RTTN: variants seen among roughly 807,000 people sequenced by gnomAD.
The protein encoded by RTTN is rotatin.
Under a neutral mutation model 269.2 loss-of-function variants are expected in RTTN, and 182 were observed. The observed-to-expected ratio is 0.68, with a 90% CI of 0.60 to 0.76. RTTN has a LOEUF of 0.76. Among genes scored for constraint, RTTN ranks in the 30% least tolerant of loss-of-function variants. RTTN has a pLI of 0.00. For missense variants in RTTN, 2,545 were observed against 2,608.6 expected, an observed-to-expected ratio of 0.98 and a Z score of 0.53; for synonymous variants, 1,006 against 963.5, an observed-to-expected ratio of 1.04 and a Z score of -0.82.
At chr18:70,125,656 A>T (rs1028928335) in intron 25 of RTTN, among the ~76,000 whole-genome samples, 22 of 152,070 alleles carry the variant, frequency 1.4e-4, no homozygotes, top group African/African-American at 5.3e-4. Context: ...TAAAAATATT[A>T]AACTAAGCTT....
At chr18:70,119,230 G>C (rs1401532387) in intron 26 of RTTN, among the ~76,000 whole-genome samples, 2 of 151,714 alleles carry the variant, frequency 1.3e-5, no homozygotes, top group Non-Finnish European at 2.9e-5. Context: ...ATTCAATAAA[G>C]TTGCAGGATA....
intron 40 of RTTN, among the ~76,000 whole-genome samples, chr18:70,032,063 C>T (rs542833506): frequency 5.9e-5 from 9 of 152,318 alleles, no homozygotes; most frequent in East Asian, 1.9e-4. Context: ...CCAGCTGGGG[C>T]AGAGCCCAGA....
chr18:70,066,519 C>T (rs578027877), intron 34 of RTTN, among the ~76,000 whole-genome samples: 1 of 152,244 alleles, frequency 6.6e-6, no homozygotes, highest in South Asian at 2.1e-4. Flanking sequence ...CCTTCTAAGA[C>T]TGAAAAAGCG....
intron 10 of RTTN, among the ~76,000 whole-genome samples, chr18:70,183,234 T>A (rs1278878311): frequency 6.6e-6 from 1 of 152,224 alleles, no homozygotes; most frequent in African/African-American, 2.4e-5. Context: ...ACAGTCTCGA[T>A]GACTTTAGGA....
chr18:70,042,307 A>C (rs1205974079), intron 40 of RTTN, among the ~76,000 whole-genome samples: 3 of 151,940 alleles, frequency 2.0e-5, no homozygotes, highest in Non-Finnish European at 2.9e-5. Flanking sequence ...AGAAAAAATA[A>C]AGATTCTAAA....
At chr18:70,156,666 G>A (rs1331968573) in intron 14 of RTTN, among the ~76,000 whole-genome samples, 1 of 152,094 alleles carries the variant, frequency 6.6e-6, no homozygotes, top group Non-Finnish European at 1.5e-5. Flanking sequence ...GACATGTGAT[G>A]TCTCCCCCGG....
At chr18:70,036,495 A>C (rs1468086924) in intron 40 of RTTN, among the ~76,000 whole-genome samples, 2 of 152,322 alleles carry the variant, frequency 1.3e-5, no homozygotes, top group South Asian at 2.1e-4. Flanking sequence ...CTAAATGATG[A>C]GAGCACCGGG....
chr18:70,132,278 C>CAGTA (rs914959362), intron 23 of RTTN, among the ~76,000 whole-genome samples: 3 of 152,130 alleles, frequency 2.0e-5, no homozygotes, highest in Admixed American at 1.3e-4. Context: ...AAGATCTGAA[C>CAGTA]ACTATCAATA....
intron 46 of RTTN, among the ~76,000 whole-genome samples, chr18:70,015,453 G>A (rs1279179825): frequency 2.0e-5 from 3 of 152,154 alleles, no homozygotes; most frequent in Non-Finnish European, 4.4e-5. Context: ...CCGATCAGAG[G>A]CAGCCTTTCC....
chr18:70,037,991 G>A (rs1434155580), intron 40 of RTTN, among the ~76,000 whole-genome samples: 2 of 43,368 alleles, frequency 4.6e-5, no homozygotes, highest in Non-Finnish European at 3.7e-4. Context: ...CCATGGGACC[G>A]TGGTATTGGT....
At chr18:70,176,929 A>G in intron 10 of RTTN, 84 bp from the exon 11 acceptor site, 3 of 968,856 alleles carry the variant, frequency 3.1e-6, no homozygotes, top group Non-Finnish European at 4.4e-6. Flanking sequence ...AACAGTTTAA[A>G]ATATTATCAT....
chr18:70,145,480 C>CAA (rs1048339680), intron 18 of RTTN, 132 bp downstream of exon 18: 1 of 639,046 alleles, frequency 1.6e-6, no homozygotes, highest in African/African-American at 1.9e-5. Flanking sequence ...AACACAATTT[C>CAA]AAACCAGCCC....
chr18:70,126,761 A>G (rs2059875557), intron 25 of RTTN, among the ~76,000 whole-genome samples: 1 of 152,190 alleles, frequency 6.6e-6, no homozygotes, highest in Non-Finnish European at 1.5e-5. Flanking sequence ...AGGCTGCATT[A>G]GTGGGCACCA....
chr18:70,123,550 T>C (rs886666114), intron 25 of RTTN, among the ~76,000 whole-genome samples: 2 of 152,050 alleles, frequency 1.3e-5, no homozygotes, highest in Non-Finnish European at 2.9e-5. Flanking sequence ...GAATTCGACT[T>C]TTTTAGATTC....
chr18:70,178,084 T>C (rs1182048142), intron 10 of RTTN, among the ~76,000 whole-genome samples: 1 of 152,056 alleles, frequency 6.6e-6, no homozygotes, highest in Admixed American at 6.5e-5. Flanking sequence ...ATGTTGTATA[T>C]ACATGCAAGA....
intron 38 of RTTN, chr18:70,053,556 C>T (rs1224346446): frequency 6.6e-6 from 1 of 152,156 alleles, no homozygotes; most frequent in East Asian, 1.9e-4. Context: ...AACTGAAAGG[C>T]AAAGAGAATT....
At chr18:70,130,044 T>C (rs945436980) in intron 23 of RTTN, 11 of 151,806 alleles carry the variant, frequency 7.2e-5, no homozygotes, top group Admixed American at 5.9e-4. Context: ...ACATTACCAA[T>C]CATCAGAGAA....
At chr18:70,011,222 T>C (rs2056362380) in intron 46 of RTTN, among the ~76,000 whole-genome samples, 1 of 152,162 alleles carries the variant, frequency 6.6e-6, no homozygotes, top group African/African-American at 2.4e-5. Flanking sequence ...GAGGGAATCC[T>C]CTCTAACTCA....
intron 17 of RTTN, among the ~76,000 whole-genome samples, chr18:70,147,558 C>A (rs899236766): frequency 6.6e-6 from 1 of 152,076 alleles, no homozygotes; most frequent in East Asian, 1.9e-4. Context: ...GTATAAGGTA[C>A]GCTATGAAGT....
Sources: gnomAD v4.1 joint callset for allele counts (sites outside exome capture counted in the v4.1 genomes callset) on GRCh38, gnomAD v4.1.1 for gene constraint, MANE v1.5 for transcripts, NCBI Gene and HGNC (gene_info 2026-07-23, HGNC 2026-07-21) for gene names.